Variants in ALG13 observed in about 807,000 individuals in gnomAD.
The protein encoded by ALG13 is UDP-N-acetylglucosamine transferase subunit ALG13.
In ALG13, 11 loss-of-function variants were observed where a neutral mutation model predicts 87.8. The observed-to-expected ratio is 0.13, with a 90% CI of 0.08 to 0.21. The LOEUF is 0.21. Ranked by LOEUF, ALG13 falls within the 10% of genes least tolerant of loss-of-function variation. The pLI is 1.00. For synonymous variants in ALG13, 320 were observed against 306.3 expected, an observed-to-expected ratio of 1.04 and a Z score of -0.47; for missense variants, 756 against 866.1, an observed-to-expected ratio of 0.87 and a Z score of 1.60.
At chrX:111,688,202 A>AT (rs2147758244) in intron 3 of ALG13, 2 of 798,476 alleles carry the variant, frequency 2.5e-6, no homozygotes, top group South Asian at 6.6e-5. Context: ...AAATTACTAG[A>AT]TTTTTTTCTA....
At chrX:111,714,395 A>T (rs1307274300) in intron 8 of ALG13, 1 of 109,981 alleles carries the variant, frequency 9.1e-6, no homozygotes, top group Non-Finnish European at 1.9e-5. Flanking sequence ...TGGTAGTGAC[A>T]TTTAAGTGGA....
chrX:111,714,152 C>T (rs1169150725), intron 8 of ALG13: 2 of 111,089 alleles, frequency 1.8e-5, no homozygotes, highest in Non-Finnish European at 3.8e-5. Flanking sequence ...TAGGAGATAA[C>T]TTAGAAGATA....
At chrX:111,700,022 T>C (rs1937512121) in intron 3 of ALG13, among the ~76,000 whole-genome samples, 1 of 105,571 alleles carries the variant, frequency 9.5e-6, no homozygotes, top group Non-Finnish European at 1.9e-5. Flanking sequence ...TGGGATATTG[T>C]TCCGTTTATT....
chrX:111,725,464 A>G (rs1941885657), intron 15 of ALG13, among the ~76,000 whole-genome samples: 1 of 110,892 alleles, frequency 9.0e-6, no homozygotes, highest in East Asian at 2.8e-4. Context: ...AGAGGCTCAG[A>G]AGGGTATTGG....
chrX:111,735,802 G>A (rs913865403), intron 22 of ALG13, among the ~76,000 whole-genome samples: 1 of 110,887 alleles, frequency 9.0e-6, no homozygotes, highest in African/African-American at 3.3e-5. Flanking sequence ...CTGCAGTTGG[G>A]TGGGAAGAAA....
intron 3 of ALG13, chrX:111,687,762 T>A: frequency 1.9e-6 from 1 of 517,157 alleles, no homozygotes; most frequent in South Asian, 4.0e-5. Context: ...TATATAAAAA[T>A]TCACATGTGC....
chrX:111,712,561 G>T (rs757451402), intron 7 of ALG13, 31 bp downstream of exon 7: 1 of 978,215 alleles, frequency 1.0e-6, no homozygotes, highest in East Asian at 3.1e-5. Context: ...TTTGAGAGTG[G>T]GTATGTGCAT....
chrX:111,755,410 A>G (rs1372426643), intron 25 of ALG13, among the ~76,000 whole-genome samples: 1 of 112,376 alleles, frequency 8.9e-6, no homozygotes, highest in African/African-American at 3.2e-5. Flanking sequence ...CAATGGCAAC[A>G]AAAGCAAAAC....
At chrX:111,724,249 A>G (rs1941723062) in intron 14 of ALG13, among the ~76,000 whole-genome samples, 2 of 112,085 alleles carry the variant, frequency 1.8e-5, no homozygotes. Context: ...AAACTTTACC[A>G]TGCACCAGAA....
chrX:111,729,399 A>G (rs1942429873), intron 19 of ALG13, among the ~76,000 whole-genome samples: 1 of 110,985 alleles, frequency 9.0e-6, no homozygotes, highest in South Asian at 3.8e-4. Flanking sequence ...ACTAGTGTAG[A>G]AAAAAAATAG....
At chrX:111,749,855 T>TA (rs1421812693) in intron 24 of ALG13, among the ~76,000 whole-genome samples, 2 of 111,913 alleles carry the variant, frequency 1.8e-5, no homozygotes, top group African/African-American at 3.2e-5. Context: ...AGAGTGTTTT[T>TA]AAAAAATATC....
intron 3 of ALG13, among the ~76,000 whole-genome samples, chrX:111,687,221 A>G (rs1410194773): frequency 8.9e-6 from 1 of 112,766 alleles, no homozygotes; most frequent in East Asian, 2.8e-4. Context: ...CTGGGATTAC[A>G]GGCATGAGCC....
intron 15 of ALG13, among the ~76,000 whole-genome samples, chrX:111,725,280 A>G (rs755212389): frequency 1.8e-5 from 2 of 112,176 alleles, no homozygotes; most frequent in Non-Finnish European, 3.8e-5. Context: ...TCTATCCACT[A>G]GAAACAAAAA....
chrX:111,681,648 G>C, intron 1 of ALG13: 10 of 904,451 alleles, frequency 1.1e-5, no homozygotes, highest in East Asian at 6.8e-5. Context: ...GTTTTCCACC[G>C]GGCTCGGCAG....
chrX:111,719,242 A>G (rs534607254), intron 10 of ALG13, among the ~76,000 whole-genome samples: 39 of 110,008 alleles, frequency 3.5e-4, no homozygotes, highest in African/African-American at 1.2e-3. Flanking sequence ...AGCCAGGATG[A>G]TCTTGGTCTC....
rs907400202 is a variant in ALG13, at chrX:111,752,705, C to T, written c.2933-85C>T. On this transcript the variant is annotated intron_variant, in intron 24 of 26. Transcript: ENST00000394780. ...TGCTGGGATTACAGGCATGAGCCACCGTGCCCAGCCAGAAAAGCTTTTAAA... is the reference window on the plus strand; with the variant it reads ...TGCTGGGATTACAGGCATGAGCCACTGTGCCCAGCCAGAAAAGCTTTTAAA... 1.3e-4 allele frequency: 88 copies of T among 682,072 alleles called. No homozygotes were observed. In the African/African-American group the frequency reaches 1.5e-3, roughly 11 times the overall value. 56.2% of individuals were successfully genotyped at this position (682,072 alleles called of 1,213,427 possible).
At chrX:111,707,375 T>C (rs866905309) in intron 3 of ALG13, among the ~76,000 whole-genome samples, 3 of 112,249 alleles carry the variant, frequency 2.7e-5, no homozygotes, top group Middle Eastern at 4.6e-3. Context: ...TTTGGAGGCA[T>C]TAGTCAAGAA....
chrX:111,691,161 C>A (rs1019477693), intron 3 of ALG13, among the ~76,000 whole-genome samples: 2 of 111,029 alleles, frequency 1.8e-5, no homozygotes, highest in Non-Finnish European at 3.8e-5. Flanking sequence ...AGTGCAATGG[C>A]GTGATCTCGG....
At position 111,718,171 on chromosome X, in the gene ALG13, A is replaced by G; in HGVS notation, c.1147A>G (p.Thr383Ala). ...TGTTGTGGATGAAGAAGAGTTGAAGACTGCGATTAAATTGTTTCGAAGTGG... is the reference window on the plus strand; with the variant it reads ...TGTTGTGGATGAAGAAGAGTTGAAGGCTGCGATTAAATTGTTTCGAAGTGG... Reference protein sequence around the residue: ...VFVVDEEELKTAIKLFRSGSK... With the variant: ...VFVVDEEELKAAIKLFRSGSK... The change falls in exon 10 of 27, where the codon ACT (threonine) becomes GCT (alanine). Residue 383 changes from threonine to alanine, a missense_variant. Physicochemically the swap from Thr to Ala is moderately conservative, Grantham distance 58. Around this residue, in one of 9 missense-constraint regions of ALG13, gnomAD observed 48 missense variants for 50.5 expected, o/e 0.95. Transcript: ENST00000394780. 8.6e-7 allele frequency: 1 copy of G among 1,168,875 alleles called. No homozygotes were observed. Among genetic ancestry groups the G allele is most frequent in the Non-Finnish European group, 1.1e-6 (1 of 872,132 alleles).
Sources: allele counts gnomAD v4.1 joint callset (sites outside exome capture counted in the v4.1 genomes callset), GRCh38; gene constraint gnomAD v4.1.1; regional missense constraint gnomAD v4.1.1; transcripts MANE v1.5; gene names NCBI Gene and HGNC (gene_info 2026-07-23, HGNC 2026-07-21).